The following CEP112 variants were observed in gnomAD, a reference collection of about 807,000 sequenced individuals.
CEP112 encodes centrosomal protein 112.
In CEP112, 127 loss-of-function variants were observed where a neutral mutation model predicts 153.0. The observed-to-expected ratio is 0.83, with a 90% CI of 0.72 to 0.96. The LOEUF is 0.96. Ranked by LOEUF, CEP112 falls within the 40% of genes least tolerant of loss-of-function variation. CEP112 has a pLI of 0.00. For synonymous variants in CEP112, 358 were observed against 374.4 expected, an observed-to-expected ratio of 0.96 and a Z score of 0.51; for missense variants, 1,089 against 1,101.2, an observed-to-expected ratio of 0.99 and a Z score of 0.16.
intron 21 of CEP112, among the ~76,000 whole-genome samples, chr17:65,839,540 G>T (rs901375704): frequency 6.6e-6 from 1 of 150,980 alleles, no homozygotes; most frequent in Non-Finnish European, 1.5e-5. Context: ...GGCCATATAT[G>T]ACAAACCCAG....
At chr17:65,852,325 CTTTCCT>C in intron 20 of CEP112, among the ~76,000 whole-genome samples, 1 of 85,182 alleles carries the variant, frequency 1.2e-5, no homozygotes, top group African/African-American at 4.8e-5. Context: ...CTTTCCTTCC[CTTTCCT>C]TCCCTCCCTC....
At chr17:65,908,418 C>CA (rs35027596) in intron 19 of CEP112, among the ~76,000 whole-genome samples, 26,799 of 151,914 alleles carry the variant, frequency 0.18, 2,525 homozygotes, top group Admixed American at 0.28. Context: ...AAAAAGGGAC[C>CA]GGGGCAGTGG....
At chr17:66,152,549 C>T (rs538576702) in intron 4 of CEP112, among the ~76,000 whole-genome samples, 1 of 152,242 alleles carries the variant, frequency 6.6e-6, no homozygotes, top group Admixed American at 6.5e-5. Flanking sequence ...TCCAAGCAAA[C>T]TTTGGACACT....
At chr17:65,638,772 G>A (rs1385749595) in intron 25 of CEP112, among the ~76,000 whole-genome samples, 1 of 152,092 alleles carries the variant, frequency 6.6e-6, no homozygotes, top group East Asian at 1.9e-4. Context: ...CAACTCTGAG[G>A]CCCTATCGCA....
At chr17:65,852,080 A>G (rs755725443) in intron 20 of CEP112, 46 bp from the exon 21 acceptor site, 1 of 1,371,388 alleles carries the variant, frequency 7.3e-7, no homozygotes, top group Non-Finnish European at 1.0e-6. Context: ...TCAATAGGGA[A>G]GTCACAAAAG....
intron 21 of CEP112, among the ~76,000 whole-genome samples, chr17:65,816,200 A>C (rs2056251982): frequency 6.6e-6 from 1 of 152,090 alleles, no homozygotes; most frequent in Admixed American, 6.6e-5. Flanking sequence ...CATAAAAATC[A>C]CCCATTAAAA....
chr17:65,942,734 C>T (rs934051400), intron 18 of CEP112, among the ~76,000 whole-genome samples: 1 of 152,168 alleles, frequency 6.6e-6, no homozygotes, highest in African/African-American at 2.4e-5. Context: ...AACTGTGTCT[C>T]ATGTTGCCCT....
intron 14 of CEP112, 144 bp downstream of exon 14, chr17:66,028,979 A>T: frequency 1.6e-6 from 1 of 639,158 alleles, no homozygotes; most frequent in Non-Finnish European, 2.6e-6. Flanking sequence ...ATACCAGTAA[A>T]AATTCCTGAA....
At chr17:65,906,175 C>A (rs1033288636) in intron 19 of CEP112, among the ~76,000 whole-genome samples, 3 of 151,506 alleles carry the variant, frequency 2.0e-5, no homozygotes, top group Admixed American at 6.6e-5. Flanking sequence ...GAACAGAAAA[C>A]CAAACACCCC....
At position 65,742,926 on chromosome 17, in the gene CEP112, T is replaced by C. The variant is rs2051215778; in HGVS notation, c.2607+142A>G. On this transcript the variant is annotated intron_variant, in intron 23 of 26. Coordinates refer to ENST00000535342, the MANE Select transcript of CEP112 (RefSeq NM_001199165.4). Reference sequence around the variant, plus strand: ...CCTGAGTCACTGGATACATCAAAGGTAGAGTCCAGTGAATGGAATTACTGC... The same window carrying C: ...CCTGAGTCACTGGATACATCAAAGGCAGAGTCCAGTGAATGGAATTACTGC... The C allele has an allele frequency of 5.0e-6, 3 of 599,794 alleles. No homozygotes were observed. In the South Asian group the frequency reaches 8.7e-5, roughly 17 times the overall value. The allele number at this position is 599,794 out of a possible 1,614,324, so 37.2% of individuals were successfully genotyped here. A position where few individuals can be genotyped will look rare whatever the true frequency, so the allele number is the denominator to read the frequency against.
chr17:65,698,036 C>T (rs547885426), intron 23 of CEP112, among the ~76,000 whole-genome samples: 14 of 151,978 alleles, frequency 9.2e-5, no homozygotes, highest in African/African-American at 3.4e-4. Context: ...TTCAGGTTTT[C>T]AGTTTTTTTT....
intron 17 of CEP112, among the ~76,000 whole-genome samples, chr17:65,967,171 G>A (rs1282003061): frequency 6.6e-6 from 1 of 152,182 alleles, no homozygotes; most frequent in Non-Finnish European, 1.5e-5. Flanking sequence ...TACCCAGAGA[G>A]CTTGCCCACA....
intron 20 of CEP112, among the ~76,000 whole-genome samples, chr17:65,880,877 CA>C (rs1217597676): frequency 6.6e-6 from 1 of 152,086 alleles, no homozygotes; most frequent in Non-Finnish European, 1.5e-5. Flanking sequence ...TTATTAATTC[CA>C]AAATGAACTC....
intron 18 of CEP112, among the ~76,000 whole-genome samples, chr17:65,934,350 T>C (rs1420797): frequency 0.48 from 72,800 of 151,962 alleles, 18,432 homozygotes; most frequent in East Asian, 0.89. Flanking sequence ...TTATGTAAGT[T>C]GCATGGTAAC....
chr17:65,824,409 G>A (rs190311810), intron 21 of CEP112, among the ~76,000 whole-genome samples: 197 of 152,368 alleles, frequency 1.3e-3, no homozygotes, highest in Middle Eastern at 0.01. Flanking sequence ...CATGAGAAAA[G>A]AAGTGGAGCT....
At chr17:65,822,239 A>G (rs1339507940) in intron 21 of CEP112, among the ~76,000 whole-genome samples, 1 of 152,018 alleles carries the variant, frequency 6.6e-6, no homozygotes, top group African/African-American at 2.4e-5. Context: ...ATGTTGGTTT[A>G]TATTGTTGTT....
chr17:65,885,703 C>T (rs1292870537), intron 20 of CEP112, among the ~76,000 whole-genome samples: 1 of 152,198 alleles, frequency 6.6e-6, no homozygotes, highest in Non-Finnish European at 1.5e-5. Flanking sequence ...GACTAAGACT[C>T]TCAGATGATG....
At chr17:66,114,560 T>C (rs1253593063) in intron 6 of CEP112, among the ~76,000 whole-genome samples, 5 of 152,172 alleles carry the variant, frequency 3.3e-5, no homozygotes, top group East Asian at 1.9e-4. Flanking sequence ...ACTCTCTCCA[T>C]AGAACAAAAT....
chr17:66,180,362 T>C (rs1300628034), intron 2 of CEP112, among the ~76,000 whole-genome samples: 1 of 152,150 alleles, frequency 6.6e-6, no homozygotes, highest in Non-Finnish European at 1.5e-5. Flanking sequence ...AATTCTGTGA[T>C]AAAATTTTGT....
Sources: gnomAD v4.1 joint callset for allele counts (sites outside exome capture counted in the v4.1 genomes callset) on GRCh38, gnomAD v4.1.1 for gene constraint, MANE v1.5 for transcripts, NCBI Gene and HGNC (gene_info 2026-07-23, HGNC 2026-07-21) for gene names.